Variants in ITGB1 observed in about 807,000 individuals in gnomAD.
ITGB1 encodes integrin subunit beta 1.
Under a neutral mutation model 86.5 loss-of-function variants are expected in ITGB1, and 24 were observed. The ratio of observed to expected loss-of-function variants is 0.28; its 90% CI spans 0.20 to 0.39. ITGB1 has a LOEUF of 0.39. ITGB1 is among the 10% of genes least tolerant of loss of function. The pLI, the probability that ITGB1 is intolerant of heterozygous loss-of-function variation, is 1.00. For synonymous variants in ITGB1, 323 were observed against 316.8 expected (o/e 1.02, Z -0.21); for missense variants, 556 against 946.9 (o/e 0.59, Z 5.42).
intron 1 of ITGB1, among the ~76,000 whole-genome samples, chr10:32,943,927 T>A (rs1246386890): frequency 1.3e-5 from 2 of 152,202 alleles, no homozygotes; most frequent in African/African-American, 4.8e-5. Context: ...CCAGTGAAAG[T>A]CAACGGGGAA....
At chr10:32,956,932 T>C (rs1242191182) in intron 1 of ITGB1, among the ~76,000 whole-genome samples, 8 of 152,210 alleles carry the variant, frequency 5.3e-5, no homozygotes, top group Admixed American at 5.2e-4. Flanking sequence ...TTAGGAAGGT[T>C]ACTTGTGGTT....
rs940611858 is a variant in ITGB1 at position 32,912,272 on chromosome 10, T to G, written c.1470-148A>C. 3 of 659,166 alleles carry G rather than the reference T, an allele frequency of 4.6e-6. No individual in the cohort carries two copies. The African/African-American group carries it at 5.5e-5, about 12-fold the overall frequency. The allele number at this position is 659,166 out of a possible 1,614,324, so 40.8% of individuals were successfully genotyped here. ...GTTTCTGCATTTCCAACTGAGGTAC[T>G]GGGTTCATCTCACTGGGGCTTGCTG... On this transcript the variant is annotated intron_variant, in intron 11 of 15. Transcript: ENST00000302278.
At chr10:32,942,911 G>A (rs1487092025) in intron 1 of ITGB1, among the ~76,000 whole-genome samples, 1 of 152,102 alleles carries the variant, frequency 6.6e-6, no homozygotes, top group Non-Finnish European at 1.5e-5. Context: ...CTTGGTGGAA[G>A]TGGGGGCCAG....
At chr10:32,935,059 A>T (rs1019473790) in intron 2 of ITGB1, among the ~76,000 whole-genome samples, 2 of 152,210 alleles carry the variant, frequency 1.3e-5, no homozygotes, top group African/African-American at 2.4e-5. Flanking sequence ...GCTTTCCTAG[A>T]TGATGCCAAC....
At chr10:32,917,504 C>T (rs1370048009) in intron 11 of ITGB1, among the ~76,000 whole-genome samples, 1 of 152,084 alleles carries the variant, frequency 6.6e-6, no homozygotes, top group African/African-American at 2.4e-5. Flanking sequence ...AAGAAAAAAT[C>T]AAACAACCCC....
rs780905014 is a variant in ITGB1, at chr10:32,912,144, T to A, written c.1470-20A>T. The stretch of plus-strand genomic sequence containing the variant: ...TTGCACCTGAAGAAACATGCCAAAA[T>A]TGCAATCACACAAAACAAAAATAAT... On this transcript the variant is annotated intron_variant, in intron 11 of 15. Transcript: ENST00000302278. 6.3e-7 allele frequency: 1 copy of A among 1,596,082 alleles called. No homozygotes were observed. Among genetic ancestry groups the A allele is most frequent in the East Asian group, 2.2e-5 (1 of 44,704 alleles).
chr10:32,922,677 A>G lies in ITGB1; in HGVS notation c.1001T>C (p.Ile334Thr), dbSNP rs1345115648. ...CTGAAATTCTTCAGTAACTGCAAAA[A>G]TTGTCTGAATATTATTTTCACTCAG... ...QKLSENNIQT[I>T]FAVTEEFQPV... Residue 334 changes from isoleucine (I) to threonine (T), a missense_variant, in exon 8 of 16, where the codon ATT becomes ACT. Physicochemically the swap from Ile to Thr is moderately conservative, Grantham distance 89. Coordinates refer to ENST00000302278, the MANE Select transcript of ITGB1 (RefSeq NM_002211.4). 6.2e-7 allele frequency: 1 copy of G among 1,606,852 alleles called. No individual in the cohort carries two copies. The highest frequency in any genetic ancestry group is 1.7e-5 in the Admixed American group (1 of 59,770).
In ITGB1 at chr10:32,904,423, T is replaced by C. The variant is rs115918459; in HGVS notation, c.2332-2788A>G. 5.8e-3 allele frequency among the ~76,000 whole-genome samples: 884 copies of C among 152,290 alleles called. 12 individuals carry two copies. Among genetic ancestry groups the C allele is most frequent in the African/African-American group, 0.02 (844 of 41,550 alleles). On this transcript the variant is annotated intron_variant, in intron 15 of 15. Transcript: ENST00000302278. ...CCATCTCTACAATGTATTAAATACA[T>C]AATGCAGAAGTGTGGGAGATTTGGG...
At chr10:32,921,177 A>C (rs1170947892) in intron 9 of ITGB1, among the ~76,000 whole-genome samples, 1 of 151,730 alleles carries the variant, frequency 6.6e-6, no homozygotes, top group Non-Finnish European at 1.5e-5. Flanking sequence ...AAAAAAAAAA[A>C]ACAAAATCCC....
At chr10:32,921,470 A>AC (rs1269761174) in intron 9 of ITGB1, among the ~76,000 whole-genome samples, 2 of 152,152 alleles carry the variant, frequency 1.3e-5, no homozygotes, top group Non-Finnish European at 2.9e-5. Context: ...GCGTTATGGT[A>AC]CCCCCATGAC....
intron 1 of ITGB1, among the ~76,000 whole-genome samples, chr10:32,946,972 T>A (rs999613872): frequency 1.3e-5 from 2 of 151,910 alleles, no homozygotes; most frequent in African/African-American, 4.8e-5. Flanking sequence ...AGCCTCTGAG[T>A]AGCTGGGATT....
intron 7 of ITGB1, 68 bp downstream of exon 7, chr10:32,923,517 A>G (rs973330886): frequency 1.0e-5 from 14 of 1,388,342 alleles, no homozygotes; most frequent in African/African-American, 1.5e-5. Context: ...AGTCACCCAC[A>G]AGCTCTTAGT....
At chr10:32,948,498 G>C (rs1175584123) in intron 1 of ITGB1, among the ~76,000 whole-genome samples, 2 of 152,146 alleles carry the variant, frequency 1.3e-5, no homozygotes, top group African/African-American at 4.8e-5. Flanking sequence ...TTTGAGGTTT[G>C]CTATGCTTTG....
At chr10:32,921,809 C>T (rs988478110) in intron 9 of ITGB1, among the ~76,000 whole-genome samples, 2 of 151,446 alleles carry the variant, frequency 1.3e-5, no homozygotes, top group African/African-American at 2.4e-5. Context: ...TGTGTACCTC[C>T]TGAAATAGAA....
Position 32,922,314 on chromosome 10 carries a change from T to C in ITGB1, c.1071A>G (p.Val357=), listed in dbSNP as rs1322211077. 2.5e-6 allele frequency: 4 copies of C among 1,609,908 alleles called. No homozygotes were observed. Among genetic ancestry groups the C allele is most frequent in the African/African-American group, 1.3e-5 (1 of 74,756 alleles). ...ELKNLIPKSA[V]GTLSANSSNV... ...TGCTAGAATTTGCAGATAATGTTCC[T>C]ACTGCTGACTTAGGGATCAAGTTTT... The change falls in exon 9 of 16, where the codon GTA becomes GTG. Residue 357 remains valine, a synonymous_variant. Transcript: ENST00000302278.
At chr10:32,935,589 A>G (rs775480991) in intron 1 of ITGB1, 31 bp from the exon 2 acceptor site, 2 of 1,464,468 alleles carry the variant, frequency 1.4e-6, no homozygotes, top group Non-Finnish European at 1.9e-6. Context: ...TATATTAGTT[A>G]TAAAGAAATA....
chr10:32,922,227 C>T, intron 9 of ITGB1, 30 bp downstream of exon 9: 1 of 1,377,798 alleles, frequency 7.3e-7, no homozygotes, highest in East Asian at 2.4e-5. Context: ...GGGTATTGTC[C>T]AAAACTGATC....
intron 1 of ITGB1, among the ~76,000 whole-genome samples, chr10:32,946,835 G>T (rs2666267): frequency 5.1e-5 from 7 of 137,660 alleles, no homozygotes; most frequent in Non-Finnish European, 1.1e-4. Context: ...TTTTTTAAAA[G>T]AATTATAGTA....
At chr10:32,932,844 C>A in intron 2 of ITGB1, 1 of 323,878 alleles carries the variant, frequency 3.1e-6, no homozygotes, top group Non-Finnish European at 5.8e-6. Flanking sequence ...GCATACAATG[C>A]ATAACAGTCA....
Sources: allele counts gnomAD v4.1 joint callset (sites outside exome capture counted in the v4.1 genomes callset), GRCh38; gene constraint gnomAD v4.1.1; transcripts MANE v1.5; gene names NCBI Gene and HGNC (gene_info 2026-07-23, HGNC 2026-07-21).